Variants in FRMD4B observed in about 807,000 individuals in gnomAD.
FRMD4B encodes FERM domain-containing protein 4B.
Under a neutral mutation model 141.5 loss-of-function variants are expected in FRMD4B, and 74 were observed. The ratio of observed to expected loss-of-function variants is 0.52; its 90% CI spans 0.43 to 0.63. The LOEUF (loss-of-function observed/expected upper bound fraction) is 0.63, where lower values mean the gene tolerates loss of function less well. Ranked by LOEUF, FRMD4B falls within the 30% of genes least tolerant of loss-of-function variation. The probability of loss-of-function intolerance (pLI) is 0.00; values close to 1 mark genes in which losing one functional copy is unlikely to be tolerated. For missense variants in FRMD4B, 1,366 were observed against 1,253.4 expected (o/e 1.09, Z -1.36); for synonymous variants, 506 against 467.9 (o/e 1.08, Z -1.05).
intron 1 of FRMD4B, among the ~76,000 whole-genome samples, chr3:69,373,967 C>A (rs1416944883): frequency 6.6e-6 from 1 of 152,136 alleles, no homozygotes; most frequent in Non-Finnish European, 1.5e-5. Context: ...CCCTCACCAA[C>A]CCTGGTAGGT....
chr3:69,171,888 T>C lies in FRMD4B; in HGVS notation c.3078A>G (p.Glu1026=). 6.2e-7 allele frequency: 1 copy of C among 1,613,728 alleles called. No individual in the cohort carries two copies. The highest frequency in any genetic ancestry group is 8.5e-7 in the Non-Finnish European group (1 of 1,179,634). ...ESSEQRLFWH[E]DSKPGTLV ...AGACTAATGTTCCAGGCTTTGAATCTTCATGCCAAAAGAGTCTCTGCTCAC... is the reference window on the plus strand; with the variant it reads ...AGACTAATGTTCCAGGCTTTGAATCCTCATGCCAAAAGAGTCTCTGCTCAC... The change falls in exon 23 of 23, where the codon GAA becomes GAG. Residue 1026 remains glutamate, a synonymous_variant. Transcript: ENST00000398540.
At chr3:69,215,907 A>G (rs1274803818) in intron 11 of FRMD4B, among the ~76,000 whole-genome samples, 1 of 151,752 alleles carries the variant, frequency 6.6e-6, no homozygotes, top group Admixed American at 6.6e-5. Context: ...TAATCCCAGC[A>G]TTTCGGGAGG....
chr3:69,419,789 A>G (rs1487082339), intron 2 of FRMD4B, among the ~76,000 whole-genome samples: 1 of 152,226 alleles, frequency 6.6e-6, no homozygotes, highest in Non-Finnish European at 1.5e-5. Context: ...GTTCCTATGC[A>G]GCATACACAG....
At chr3:69,432,072 T>C (rs941297562) in intron 2 of FRMD4B, among the ~76,000 whole-genome samples, 6 of 152,260 alleles carry the variant, frequency 3.9e-5, no homozygotes, top group Middle Eastern at 3.4e-3. Flanking sequence ...CCCCTCTTAT[T>C]ATATTATAAA....
intron 1 of FRMD4B, among the ~76,000 whole-genome samples, chr3:69,499,877 C>T (rs1706463832): frequency 6.6e-6 from 1 of 152,210 alleles, no homozygotes; most frequent in East Asian, 1.9e-4. Context: ...ACAATACTGG[C>T]CTCTCCGGCC....
intron 1 of FRMD4B, among the ~76,000 whole-genome samples, chr3:69,454,506 G>A (rs6772632): frequency 0.34 from 52,426 of 152,136 alleles, 9,596 homozygotes; most frequent in African/African-American, 0.46. Flanking sequence ...CAGGTGGGGT[G>A]GGCTCGGCAG....
At position 69,385,847 on chromosome 3, in the gene FRMD4B, C is replaced by G. The variant is rs1164681814; in HGVS notation, c.143G>C (p.Gly48Ala). ...ACHQVLRTWC[G>A]LQDVYQMTEG... ...GCTCACCTGGTACACGTCCTGCAGC[C>G]CGCACCACGTCCGCAGCACCTGGTG... Residue 48 changes from glycine (G) to alanine (A), a missense_variant, in exon 1 of 23, where the codon GGG (glycine) becomes GCG (alanine). Transcript: ENST00000398540. The G allele has an allele frequency of 6.3e-7, 1 of 1,593,392 alleles. No homozygotes were observed. Among genetic ancestry groups the G allele is most frequent in the East Asian group, 2.3e-5 (1 of 43,780 alleles).
intron 2 of FRMD4B, among the ~76,000 whole-genome samples, chr3:69,422,414 G>C (rs534209309): frequency 6.6e-6 from 1 of 151,546 alleles, no homozygotes; most frequent in African/African-American, 2.4e-5. Context: ...AAAAGGAGAG[G>C]GGGCAGGGAA....
chr3:69,437,710 T>G (rs1705282069), intron 1 of FRMD4B, among the ~76,000 whole-genome samples: 1 of 131,134 alleles, frequency 7.6e-6, no homozygotes, highest in Admixed American at 8.1e-5. Context: ...ACTATATAAA[T>G]ATAATATATA....
intron 11 of FRMD4B, among the ~76,000 whole-genome samples, chr3:69,208,188 T>C (rs1340316554): frequency 6.6e-6 from 1 of 151,998 alleles, no homozygotes; most frequent in Admixed American, 6.6e-5. Flanking sequence ...CTCAGCCTCC[T>C]GAGTAGCTGA....
intron 1 of FRMD4B, among the ~76,000 whole-genome samples, chr3:69,343,965 T>G (rs1330089120): frequency 6.6e-6 from 1 of 152,178 alleles, no homozygotes; most frequent in Non-Finnish European, 1.5e-5. Flanking sequence ...ATTCCCCAAC[T>G]GGTAATGGAC....
intron 2 of FRMD4B, among the ~76,000 whole-genome samples, chr3:69,424,526 A>C (rs139415258): frequency 7.9e-5 from 12 of 152,350 alleles, no homozygotes; most frequent in Non-Finnish European, 1.8e-4. Flanking sequence ...TAGCTTACTA[A>C]TATAAGAAGC....
intron 22 of FRMD4B, 71 bp downstream of exon 22, chr3:69,176,453 T>G: frequency 2.3e-6 from 3 of 1,321,424 alleles, no homozygotes; most frequent in Non-Finnish European, 3.2e-6. Flanking sequence ...ATCTGACGTT[T>G]GTAAATTAGG....
intron 5 of FRMD4B, among the ~76,000 whole-genome samples, chr3:69,263,812 C>T (rs1461005109): frequency 7.1e-6 from 1 of 140,774 alleles, no homozygotes. Flanking sequence ...ATGGCAACCC[C>T]ATTCCTTTTT....
At chr3:69,314,307 C>T (rs1701731099) in intron 1 of FRMD4B, among the ~76,000 whole-genome samples, 1 of 147,690 alleles carries the variant, frequency 6.8e-6, no homozygotes, top group African/African-American at 2.5e-5. Flanking sequence ...GCAGGCAGAT[C>T]ACTTGAGGCC....
At chr3:69,296,343 A>G (rs1256146524) in intron 4 of FRMD4B, among the ~76,000 whole-genome samples, 2 of 152,098 alleles carry the variant, frequency 1.3e-5, no homozygotes, top group African/African-American at 4.8e-5. Flanking sequence ...CCCAGGGAAT[A>G]CACCGAGAAA....
chr3:69,500,389 T>A (rs1467800803), intron 1 of FRMD4B, among the ~76,000 whole-genome samples: 1 of 152,126 alleles, frequency 6.6e-6, no homozygotes, highest in Non-Finnish European at 1.5e-5. Flanking sequence ...AGGACAGAAA[T>A]GTGAACTCAT....
intron 2 of FRMD4B, among the ~76,000 whole-genome samples, chr3:69,411,957 C>T (rs1371634771): frequency 1.3e-5 from 2 of 152,184 alleles, no homozygotes; most frequent in African/African-American, 4.8e-5. Flanking sequence ...AGGAATATTA[C>T]CCACTTGCTA....
chr3:69,408,310 T>A (rs1436886118), intron 2 of FRMD4B, among the ~76,000 whole-genome samples: 2 of 152,166 alleles, frequency 1.3e-5, no homozygotes, highest in Admixed American at 6.5e-5. Context: ...CAATTAATAG[T>A]CTGTAATGCA....
Sources: gnomAD v4.1 joint callset for allele counts (sites outside exome capture counted in the v4.1 genomes callset) on GRCh38, gnomAD v4.1.1 for gene constraint, MANE v1.5 for transcripts, NCBI Gene and HGNC (gene_info 2026-07-23, HGNC 2026-07-21) for gene names.